CADM2: variants seen among roughly 807,000 people sequenced by gnomAD.
The protein encoded by CADM2 is immunoglobulin superfamily member 4D.
Under a neutral mutation model 49.8 loss-of-function variants are expected in CADM2, and 12 were observed. That is an observed-to-expected ratio of 0.24 (90% CI 0.15 to 0.39). The LOEUF is 0.39. Ranked by LOEUF, CADM2 falls within the 10% of genes least tolerant of loss-of-function variation. The pLI is 1.00. For synonymous variants in CADM2, 214 were observed against 175.4 expected (o/e 1.22, Z -1.74); for missense variants, 378 against 492.3 (o/e 0.77, Z 2.20).
chr3:86,012,902 G>T (rs1203330649), intron 8 of CADM2: 1 of 589,544 alleles, frequency 1.7e-6, no homozygotes, highest in Non-Finnish European at 3.1e-6. Context: ...GTGAACCCGG[G>T]AGGCGGAGCT....
chr3:85,787,318 G>T lies in CADM2; in HGVS notation c.89-14729G>T, dbSNP rs148321917. ...TTTGCAGTGTAAAAATTAAAATCAC[G>T]AAATTGTTACCTCTGTAAATCAATT... On this transcript the variant is annotated intron_variant, in intron 2 of 9. Coordinates refer to ENST00000383699, the MANE Select transcript of CADM2 (RefSeq NM_001167675.2). 6.1e-4 allele frequency among the ~76,000 whole-genome samples: 93 copies of T among 152,140 alleles called. 3 individuals carry two copies. The East Asian group carries it at 0.018, about 29-fold the overall frequency.
In CADM2 at chr3:85,940,354, A is replaced by T. The variant is rs563056171; in HGVS notation, c.791+4497A>T. 1.5e-3 allele frequency among the ~76,000 whole-genome samples: 227 copies of T among 151,770 alleles called. 2 individuals carry two copies. Among genetic ancestry groups the T allele is most frequent in the African/African-American group, 5.4e-3 (225 of 41,422 alleles). ...AACTCCATCCAAAAAAAATTACAGC[A>T]AAACAGTTTTATATAAAGTCAATTT... On this transcript the variant is annotated intron_variant, in intron 7 of 9. Coordinates refer to ENST00000383699, the MANE Select transcript of CADM2 (RefSeq NM_001167675.2).
At chr3:85,922,702 AACACTTTGATGGCTCATAGTTTT>A (rs1363867991) in intron 6 of CADM2, among the ~76,000 whole-genome samples, 1 of 152,180 alleles carries the variant, frequency 6.6e-6, no homozygotes, top group Non-Finnish European at 1.5e-5. Context: ...ATACTTTAGA[AACACTTTGATGGCTCATAGTTTT>A]ACCCAGAAGA....
intron 1 of CADM2, among the ~76,000 whole-genome samples, chr3:85,234,278 T>A (rs997336318): frequency 1.1e-4 from 17 of 152,124 alleles, no homozygotes; most frequent in African/African-American, 3.6e-4. Context: ...GTTTATAATA[T>A]TGAGGTAAAA....
chr3:85,365,938 C>T (rs2032750998), intron 1 of CADM2, among the ~76,000 whole-genome samples: 1 of 152,196 alleles, frequency 6.6e-6, no homozygotes, highest in African/African-American at 2.4e-5. Flanking sequence ...CCTGGGGCTG[C>T]CATAGCCCAG....
intron 1 of CADM2, among the ~76,000 whole-genome samples, chr3:85,705,879 A>G (rs2066932774): frequency 6.6e-6 from 1 of 152,148 alleles, no homozygotes; most frequent in Non-Finnish European, 1.5e-5. Context: ...TTTGTAGTGT[A>G]TTCCTTTCAT....
chr3:85,446,554 A>T (rs1054788913), intron 1 of CADM2, among the ~76,000 whole-genome samples: 2 of 150,722 alleles, frequency 1.3e-5, no homozygotes, highest in Non-Finnish European at 3.0e-5. Context: ...GGATAAAAGG[A>T]TTATTATAAT....
At chr3:85,450,829 A>G (rs1188293522) in intron 1 of CADM2, among the ~76,000 whole-genome samples, 1 of 152,100 alleles carries the variant, frequency 6.6e-6, no homozygotes, top group Non-Finnish European at 1.5e-5. Context: ...AAAATATGAA[A>G]TAAAATAAAA....
At chr3:85,448,907 G>T (rs562088698) in intron 1 of CADM2, among the ~76,000 whole-genome samples, 2 of 151,630 alleles carry the variant, frequency 1.3e-5, no homozygotes, top group Non-Finnish European at 2.9e-5. Flanking sequence ...AAAATTAGCT[G>T]GGGATGGTGG....
intron 1 of CADM2, among the ~76,000 whole-genome samples, chr3:84,988,194 A>G (rs2032690507): frequency 6.6e-6 from 1 of 152,198 alleles, no homozygotes; most frequent in South Asian, 2.1e-4. Context: ...AGAGAGGGAG[A>G]GAGAGAGGCA....
intron 1 of CADM2, among the ~76,000 whole-genome samples, chr3:85,116,514 T>C (rs1308542525): frequency 6.6e-6 from 1 of 152,172 alleles, no homozygotes; most frequent in Non-Finnish European, 1.5e-5. Flanking sequence ...AAAAGTGATA[T>C]TGTTATATGA....
chr3:85,395,491 C>T (rs778999443), intron 1 of CADM2, among the ~76,000 whole-genome samples: 11 of 151,804 alleles, frequency 7.2e-5, no homozygotes, highest in Admixed American at 7.2e-4. Flanking sequence ...TTCTGGCTGC[C>T]GTCTAACAAA....
At chr3:85,632,711 T>G (rs910844435) in intron 1 of CADM2, among the ~76,000 whole-genome samples, 1 of 152,014 alleles carries the variant, frequency 6.6e-6, no homozygotes, top group Admixed American at 6.6e-5. Flanking sequence ...TTTGTGGGTA[T>G]TTTGGAAATT....
At chr3:85,190,567 A>G (rs1355394697) in intron 1 of CADM2, among the ~76,000 whole-genome samples, 2 of 152,158 alleles carry the variant, frequency 1.3e-5, no homozygotes, top group Non-Finnish European at 2.9e-5. Flanking sequence ...ATGACATTAT[A>G]TTATTCCCCA....
intron 1 of CADM2, among the ~76,000 whole-genome samples, chr3:85,309,584 T>C (rs1029497395): frequency 6.6e-6 from 1 of 152,208 alleles, no homozygotes; most frequent in African/African-American, 2.4e-5. Context: ...ATTTTTTCAT[T>C]GCTATTTTTG....
intron 1 of CADM2, among the ~76,000 whole-genome samples, chr3:85,278,894 T>C (rs1442688949): frequency 1.3e-5 from 2 of 151,484 alleles, no homozygotes; most frequent in African/African-American, 4.8e-5. Context: ...ATTCTAGTTA[T>C]GGAGTATCAC....
intron 1 of CADM2, among the ~76,000 whole-genome samples, chr3:85,481,054 G>A (rs2039189046): frequency 6.6e-6 from 1 of 150,882 alleles, no homozygotes; most frequent in African/African-American, 2.4e-5. Flanking sequence ...TATAATCTAA[G>A]GCCTATATTT....
intron 8 of CADM2, among the ~76,000 whole-genome samples, chr3:86,009,149 A>ATATATATATAGG (rs1384382633): frequency 6.9e-6 from 1 of 145,918 alleles, no homozygotes; most frequent in Non-Finnish European, 1.5e-5. Flanking sequence ...ATATATAGAT[A>ATATATATATAGG]TATATATATA....
chr3:85,957,442 T>A (rs1358996341), intron 7 of CADM2, among the ~76,000 whole-genome samples: 1 of 151,794 alleles, frequency 6.6e-6, no homozygotes, highest in East Asian at 2.0e-4. Flanking sequence ...TTGTTTTTTA[T>A]CTTCCTGAAG....
Sources: gnomAD v4.1 joint callset for allele counts (sites outside exome capture counted in the v4.1 genomes callset) on GRCh38, gnomAD v4.1.1 for gene constraint, MANE v1.5 for transcripts, NCBI Gene and HGNC (gene_info 2026-07-23, HGNC 2026-07-21) for gene names.